The following ALG1L2 variants were observed in gnomAD, a reference collection of about 807,000 sequenced individuals.
ALG1L2 encodes the protein ALG1 chitobiosyldiphosphodolichol beta-mannosyltransferase like 2.
A neutral mutation model predicts 29.0 loss-of-function variants in ALG1L2; 32 were observed. The observed-to-expected ratio is 1.10, with a 90% CI of 0.83 to 1.48. The LOEUF is 1.48. Among genes scored for constraint, ALG1L2 ranks in the 40% most tolerant of loss-of-function variants. ALG1L2 has a pLI of 0.00. For missense variants in ALG1L2, 318 were observed against 274.1 expected, an observed-to-expected ratio of 1.16 and a Z score of -1.13; for synonymous variants, 110 against 109.5, an observed-to-expected ratio of 1.00 and a Z score of -0.03.
chr3:130,089,087 A>AC (rs149563034), intron 1 of ALG1L2, among the ~76,000 whole-genome samples: 33,289 of 151,338 alleles, frequency 0.22, 448 homozygotes, highest in Non-Finnish European at 0.25. Flanking sequence ...GACTCCTTGC[A>AC]CCCCTGGCCC....
intron 7 of ALG1L2, 103 bp downstream of exon 7, chr3:130,097,353 G>A (rs1438838098): frequency 2.7e-5 from 40 of 1,496,520 alleles, no homozygotes; most frequent in South Asian, 5.1e-5. Context: ...GGGACCATGC[G>A]GGGTCTGGCG....
chr3:130,093,969 G>A (rs1172519246), intron 4 of ALG1L2: 4 of 239,420 alleles, frequency 1.7e-5, no homozygotes, highest in South Asian at 4.6e-5. Context: ...GGGCAGGTGC[G>A]GCTTGGAACC....
chr3:130,095,891 T>C (rs1156398860), intron 5 of ALG1L2, among the ~76,000 whole-genome samples, 158 bp from the exon 6 acceptor site: 1 of 152,234 alleles, frequency 6.6e-6, no homozygotes, highest in Admixed American at 6.5e-5. Context: ...AGCCAGGCCG[T>C]GTGGCTGCTT....
intron 1 of ALG1L2, among the ~76,000 whole-genome samples, chr3:130,085,214 C>T (rs559006749): frequency 4.8e-4 from 68 of 142,958 alleles, no homozygotes; most frequent in African/African-American, 1.6e-3. Context: ...CTCGCCTCGG[C>T]CTCCCAAACT....
At chr3:130,087,035 A>G (rs1934903461) in intron 1 of ALG1L2, among the ~76,000 whole-genome samples, 4 of 150,424 alleles carry the variant, frequency 2.7e-5, no homozygotes, top group African/African-American at 9.7e-5. Flanking sequence ...CCCTGAGTTC[A>G]AGATCCTTAC....
At chr3:130,085,883 G>A (rs1168818807) in intron 1 of ALG1L2, among the ~76,000 whole-genome samples, 1 of 151,188 alleles carries the variant, frequency 6.6e-6, no homozygotes, top group African/African-American at 2.4e-5. Flanking sequence ...GCAGCACTTA[G>A]CAGCCCAGGT....
At chr3:130,096,926 C>G (rs1345853082) in intron 6 of ALG1L2, among the ~76,000 whole-genome samples, 3 of 152,186 alleles carry the variant, frequency 2.0e-5, no homozygotes, top group Admixed American at 6.6e-5. Flanking sequence ...TGAAGAGCAT[C>G]CAGCACAGAA....
At chr3:130,082,795 G>A (rs1219159060) in intron 1 of ALG1L2, among the ~76,000 whole-genome samples, 1 of 146,998 alleles carries the variant, frequency 6.8e-6, no homozygotes, top group African/African-American at 2.4e-5. Context: ...GGTCCGCAGT[G>A]CATGGGAGCC....
intron 7 of ALG1L2, 121 bp downstream of exon 7, chr3:130,097,371 T>C: frequency 6.9e-7 from 1 of 1,447,190 alleles, no homozygotes; most frequent in Non-Finnish European, 9.1e-7. Context: ...GCGGAAAAGC[T>C]AGGGAGGGAG....
chr3:130,097,348 C>A (rs1229103520), intron 7 of ALG1L2, 98 bp downstream of exon 7: 13 of 1,514,484 alleles, frequency 8.6e-6, no homozygotes, highest in South Asian at 3.7e-5. Context: ...AGGGTGGGAC[C>A]ATGCGGGGTC....
chr3:130,085,649 G>T lies in ALG1L2; in HGVS notation c.20+3613G>T, dbSNP rs1934873791. ...TATCTCCAAATATGTCACATTTTGA[G>T]GTACTGGGGGTCAGGACTCCAAGAA... On this transcript the variant is annotated intron_variant, in intron 1 of 7. Coordinates refer to ENST00000425059, the MANE Select transcript of ALG1L2 (RefSeq NM_001136152.1). Among the ~76,000 whole-genome samples, 13 of 151,760 alleles carry T rather than the reference G, an allele frequency of 8.6e-5. No individual in the cohort carries two copies. The South Asian group carries it at 2.7e-3, about 32-fold the overall frequency.
intron 6 of ALG1L2, 46 bp from the exon 7 acceptor site, chr3:130,097,129 G>C: frequency 6.2e-7 from 1 of 1,608,092 alleles, no homozygotes; most frequent in East Asian, 2.2e-5. Context: ...CAGGGGTCTA[G>C]TGTCTTCTCC....
At chr3:130,085,204 C>T (rs2108114675) in intron 1 of ALG1L2, among the ~76,000 whole-genome samples, 1 of 139,556 alleles carries the variant, frequency 7.2e-6, no homozygotes, top group East Asian at 2.0e-4. Context: ...AAGTGATCCA[C>T]TCGCCTCGGC....
intron 1 of ALG1L2, chr3:130,090,749 G>A (rs11716622): frequency 0.35 from 50,501 of 143,454 alleles, 9,108 homozygotes; most frequent in Middle Eastern, 0.53. Context: ...AAGACAAATG[G>A]TGGAGAGTAG....
chr3:130,084,475 A>G (rs1259900283), intron 1 of ALG1L2, among the ~76,000 whole-genome samples: 1 of 139,268 alleles, frequency 7.2e-6, no homozygotes, highest in Non-Finnish European at 1.6e-5. Context: ...GACCATGAGC[A>G]AATTACTGAA....
At chr3:130,088,940 A>G (rs940391030) in intron 1 of ALG1L2, among the ~76,000 whole-genome samples, 3 of 152,304 alleles carry the variant, frequency 2.0e-5, no homozygotes, top group Non-Finnish European at 2.9e-5. Context: ...TAACCCTTAC[A>G]TCCCCAGACC....
rs572588377 is a variant in ALG1L2, at chr3:130,092,906, T to G, written c.254-195T>G. Among the ~76,000 whole-genome samples the G allele has an allele frequency of 5.3e-5, 8 of 151,950 alleles. No individual in the cohort carries two copies. The South Asian group carries it at 1.7e-3, about 32-fold the overall frequency. On this transcript the variant is annotated intron_variant, in intron 3 of 7. Coordinates refer to ENST00000425059, the MANE Select transcript of ALG1L2 (RefSeq NM_001136152.1). ...TTAGCTAGGTATGGTGGTGGGCGCCTGTAATCCCAGCTACTTGGGAGGCTG... is the reference window on the plus strand; with the variant it reads ...TTAGCTAGGTATGGTGGTGGGCGCCGGTAATCCCAGCTACTTGGGAGGCTG...
intron 1 of ALG1L2, among the ~76,000 whole-genome samples, chr3:130,084,293 C>CA (rs1934845974): frequency 7.6e-6 from 1 of 132,042 alleles, no homozygotes; most frequent in Non-Finnish European, 1.8e-5. Flanking sequence ...CCCCATTTCC[C>CA]CCCCTCAAAA....
At chr3:130,095,639 A>G (rs1426235472) in intron 5 of ALG1L2, among the ~76,000 whole-genome samples, 1 of 150,278 alleles carries the variant, frequency 6.7e-6, no homozygotes, top group Non-Finnish European at 1.5e-5. Flanking sequence ...ATGGGGTTTC[A>G]CCATGTTGAC....
Sources: gnomAD v4.1 joint callset for allele counts (sites outside exome capture counted in the v4.1 genomes callset) on GRCh38, gnomAD v4.1.1 for gene constraint, MANE v1.5 for transcripts, NCBI Gene and HGNC (gene_info 2026-07-23, HGNC 2026-07-21) for gene names.